The following ZNF555 variants were observed in gnomAD, a reference collection of about 807,000 sequenced individuals.
The protein encoded by ZNF555 is zinc finger protein 555.
ZNF555 carries 10 observed loss-of-function variants against 14.0 expected under a neutral mutation model. That is an observed-to-expected ratio of 0.72 (90% CI 0.44 to 1.21). ZNF555 has a LOEUF of 1.21. ZNF555 is among the 50% of genes most tolerant of loss of function. The probability of loss-of-function intolerance (pLI) is 0.00; values close to 1 mark genes in which losing one functional copy is unlikely to be tolerated. For missense variants in ZNF555, 747 were observed against 762.0 expected (o/e 0.98, Z 0.23); for synonymous variants, 277 against 262.4 (o/e 1.06, Z -0.54).
rs2087630168 is a variant in ZNF555 at position 2,851,516 on chromosome 19, T to C, written c.179T>C (p.Ile60Thr). ...AGTGGGTCAGTTTCTCAGCAGGATA[T>C]TTATGGAGAGAAAATACCCAAGGAA... Reference protein sequence around the residue: ...KASGSVSQQDIYGEKIPKESK... With the variant: ...KASGSVSQQDTYGEKIPKESK... Residue 60 changes from isoleucine to threonine, a missense_variant, in exon 3 of 4, where the codon ATT (isoleucine) becomes ACT (threonine). Transcript: ENST00000334241. 6.2e-7 allele frequency: 1 copy of C among 1,608,104 alleles called. No homozygotes were observed. Among genetic ancestry groups the C allele is most frequent in the African/African-American group, 1.3e-5 (1 of 74,666 alleles).
chr19:2,849,860 TAGTG>T (rs1215753264), intron 1 of ZNF555, among the ~76,000 whole-genome samples: 2 of 152,088 alleles, frequency 1.3e-5, no homozygotes, highest in Non-Finnish European at 1.5e-5. Flanking sequence ...TGTGTATACT[TAGTG>T]AGTGTGCCTG....
intron 1 of ZNF555, among the ~76,000 whole-genome samples, chr19:2,844,166 G>A (rs979864029): frequency 4.3e-5 from 6 of 139,218 alleles, no homozygotes; most frequent in Non-Finnish European, 9.2e-5. Context: ...GCAGTGGCAG[G>A]AACTTGGCTC....
chr19:2,843,864 GT>G (rs765715255), intron 1 of ZNF555, among the ~76,000 whole-genome samples: 2 of 151,034 alleles, frequency 1.3e-5, no homozygotes, highest in African/African-American at 4.9e-5. Flanking sequence ...CCTTTACTTT[GT>G]TTTTTTGTTT....
Position 2,854,969 on chromosome 19 carries a change from A to G in ZNF555, c.*1017A>G, listed in dbSNP as rs8108619. ...GCATGGGGTCTAATTTATATAGTGA[A>G]CACCTTGTTATCTTAATACTTCCAG... On this transcript the variant is annotated 3_prime_UTR_variant, in exon 4 of 4. Coordinates refer to ENST00000334241, the MANE Select transcript of ZNF555 (RefSeq NM_152791.5). 0.15 allele frequency: 23,028 copies of G among 152,122 alleles called. 2,012 individuals carry two copies. Among genetic ancestry groups the G allele is most frequent in the African/African-American group, 0.23 (9,519 of 41,458 alleles). The allele number at this position is 152,122 out of a possible 1,614,324, so 9.4% of individuals were successfully genotyped here. A position where few individuals can be genotyped will look rare whatever the true frequency, so the allele number is the denominator to read the frequency against.
intron 1 of ZNF555, 50 bp downstream of exon 1, chr19:2,841,625 G>T (rs747526373): frequency 7.0e-7 from 1 of 1,431,732 alleles, no homozygotes; most frequent in South Asian, 1.4e-5. Context: ...AGGAACCGGC[G>T]ACCGCCCGAG....
At chr19:2,852,090 G>A (rs2087634621) in intron 3 of ZNF555, among the ~76,000 whole-genome samples, 1 of 151,808 alleles carries the variant, frequency 6.6e-6, no homozygotes, top group South Asian at 2.1e-4. Flanking sequence ...AGAGGTTGCA[G>A]TGAGCTAAGA....
rs1450394301 is a variant in ZNF555 at position 2,859,406 on chromosome 19, T to C, written c.*5454T>C. ...TCTTGTGATGGCAGATGTACTTGAGTAGACACGACAGACGGGGAAGGACCC... is the reference window on the plus strand; with the variant it reads ...TCTTGTGATGGCAGATGTACTTGAGCAGACACGACAGACGGGGAAGGACCC... On this transcript the variant is annotated 3_prime_UTR_variant, in exon 4 of 4. Transcript: ENST00000334241. 2 of 151,780 alleles carry C rather than the reference T, an allele frequency of 1.3e-5. No homozygotes were observed. Among genetic ancestry groups the C allele is most frequent in the Non-Finnish European group, 2.9e-5 (2 of 68,004 alleles). 9.4% of individuals were successfully genotyped at this position (151,780 alleles called of 1,614,324 possible).
At chr19:2,852,147 CAA>C (rs35002179) in intron 3 of ZNF555, among the ~76,000 whole-genome samples, 185 of 144,868 alleles carry the variant, frequency 1.3e-3, no homozygotes, top group Admixed American at 1.6e-3. Flanking sequence ...GACTCTGTCT[CAA>C]AAAAAAAAAA....
In ZNF555 at chr19:2,854,082, C is replaced by T. The variant is rs976184687; in HGVS notation, c.*130C>T. 44 of 1,141,320 alleles carry T rather than the reference C, an allele frequency of 3.9e-5. No individual in the cohort carries two copies. The highest frequency in any genetic ancestry group is 3.0e-4 in the Middle Eastern group (1 of 3,286). The allele number at this position is 1,141,320 out of a possible 1,614,324, so 70.7% of individuals were successfully genotyped here. On this transcript the variant is annotated 3_prime_UTR_variant, in exon 4 of 4. Coordinates refer to ENST00000334241, the MANE Select transcript of ZNF555 (RefSeq NM_152791.5). ...ATGAATTTGAACAGGTAGTTTCTTA[C>T]GATTCAGTAAATAAAACTTTCATCT... is the stretch of plus-strand genomic sequence containing the variant.
Position 2,853,984 on chromosome 19 carries a change from G to T in ZNF555, c.*32G>T, listed in dbSNP as rs760531344. ...TATCCTGAAAGTGGACACTCAAGGA[G>T]TGTGTCTGTAGTTCATTTGCAAATA... is the stretch of plus-strand genomic sequence containing the variant. On this transcript the variant is annotated 3_prime_UTR_variant, in exon 4 of 4. Coordinates refer to ENST00000334241, the MANE Select transcript of ZNF555 (RefSeq NM_152791.5). 1.2e-6 allele frequency: 2 copies of T among 1,610,014 alleles called. No individual in the cohort carries two copies. Among genetic ancestry groups the T allele is most frequent in the African/African-American group, 1.3e-5 (1 of 74,826 alleles).
Position 2,854,624 on chromosome 19 carries a change from G to A in ZNF555, c.*672G>A, listed in dbSNP as rs1297970345. 6.5e-6 allele frequency: 1 copy of A among 152,968 alleles called. No individual in the cohort carries two copies. The highest frequency in any genetic ancestry group is 2.4e-5 in the African/African-American group (1 of 41,436). The allele number at this position is 152,968 out of a possible 1,614,324, so 9.5% of individuals were successfully genotyped here. The stretch of plus-strand genomic sequence containing the variant: ...AGTAAGTCATCGCTGAGCTTTTGGG[G>A]TCACATTAAATGGAGATGGACAGAT... On this transcript the variant is annotated 3_prime_UTR_variant, in exon 4 of 4. Transcript: ENST00000334241.
Position 2,852,534 on chromosome 19 carries a change from A to G in ZNF555, c.469A>G (p.Thr157Ala). 5 of 1,614,114 alleles carry G rather than the reference A, an allele frequency of 3.1e-6. No individual in the cohort carries two copies. In the South Asian group the frequency reaches 3.3e-5, roughly 11 times the overall value. Residue 157 changes from threonine to alanine, a missense_variant, in exon 4 of 4, where the codon ACA becomes GCA. Transcript: ENST00000334241. ...TYGKVFMHRR[T>A]SLKSPITVHT... is the part of the protein sequence containing the mutation. The stretch of plus-strand genomic sequence containing the variant: ...CGGAAAAGTCTTCATGCATCGCCGC[A>G]CATCCCTCAAGAGTCCCATCACAGT...
chr19:2,849,314 G>A (rs1253886715), intron 1 of ZNF555, among the ~76,000 whole-genome samples: 1 of 152,104 alleles, frequency 6.6e-6, no homozygotes, highest in Non-Finnish European at 1.5e-5. Context: ...AGAGTGGTAT[G>A]TGGGGAATCA....
rs2087694786 is a variant in ZNF555, at chr19:2,857,677, A to G, written c.*3725A>G. ...AAAGTTAAACAATAAAAATGCTTTC[A>G]GTTTATTAAAGAACTCAAGACCAGG... is the stretch of plus-strand genomic sequence containing the variant. On this transcript the variant is annotated 3_prime_UTR_variant, in exon 4 of 4. Transcript: ENST00000334241. 1 of 152,284 alleles carries G rather than the reference A, an allele frequency of 6.6e-6. No homozygotes were observed. The highest frequency in any genetic ancestry group is 2.1e-4 in the South Asian group (1 of 4,822). The allele number at this position is 152,284 out of a possible 1,614,324, so 9.4% of individuals were successfully genotyped here.
chr19:2,846,361 C>T (rs1014893233), intron 1 of ZNF555, among the ~76,000 whole-genome samples: 2 of 152,206 alleles, frequency 1.3e-5, no homozygotes, highest in South Asian at 2.1e-4. Flanking sequence ...GGGAGCGCTT[C>T]GGTCACAGCT....
In ZNF555 at chr19:2,851,395, T is replaced by C. The variant is rs990244221; in HGVS notation, c.131-73T>C. On this transcript the variant is annotated intron_variant, in intron 2 of 3. Coordinates refer to ENST00000334241, the MANE Select transcript of ZNF555 (RefSeq NM_152791.5). Reference sequence around the variant, plus strand: ...TTTTGTGTTTAATGAAGTCCTGAGATAGCTAAACTCCTCAGTGTCGTTTTC... The same window carrying C: ...TTTTGTGTTTAATGAAGTCCTGAGACAGCTAAACTCCTCAGTGTCGTTTTC... The C allele has an allele frequency of 3.1e-6, 4 of 1,275,578 alleles. No homozygotes were observed. In the African/African-American group the frequency reaches 6.0e-5, roughly 19 times the overall value. The allele number at this position is 1,275,578 out of a possible 1,614,324, so 79.0% of individuals were successfully genotyped here.
chr19:2,843,803 C>T (rs936036623), intron 1 of ZNF555, among the ~76,000 whole-genome samples: 1 of 152,202 alleles, frequency 6.6e-6, no homozygotes, highest in Non-Finnish European at 1.5e-5. Flanking sequence ...AATGCCGGCC[C>T]TGGCACTGAT....
In ZNF555 at chr19:2,854,811, C is replaced by T. The variant is rs1023190054; in HGVS notation, c.*859C>T. On this transcript the variant is annotated 3_prime_UTR_variant, in exon 4 of 4. Transcript: ENST00000334241. ...CCATTAACTTGATATTAGGGATATT[C>T]CTGTGTGGTCAGTCACCTAGAGTCT... 1.3e-5 allele frequency: 2 copies of T among 152,174 alleles called. No individual in the cohort carries two copies. The highest frequency in any genetic ancestry group is 2.9e-5 in the Non-Finnish European group (2 of 68,044). The allele number at this position is 152,174 out of a possible 1,614,324, so 9.4% of individuals were successfully genotyped here.
At chr19:2,852,147 C>A (rs8113238) in intron 3 of ZNF555, among the ~76,000 whole-genome samples, 3 of 145,042 alleles carry the variant, frequency 2.1e-5, no homozygotes, top group African/African-American at 5.1e-5. Context: ...GACTCTGTCT[C>A]AAAAAAAAAA....
Sources: gnomAD v4.1 joint callset for allele counts (sites outside exome capture counted in the v4.1 genomes callset) on GRCh38, gnomAD v4.1.1 for gene constraint, MANE v1.5 for transcripts, NCBI Gene and HGNC (gene_info 2026-07-23, HGNC 2026-07-21) for gene names.